The following MRPS28 variants were observed in gnomAD, a reference collection of about 807,000 sequenced individuals.
The protein encoded by MRPS28 is mitochondrial ribosomal protein S28, also known as small ribosomal subunit protein bS1m.
In MRPS28, 7 loss-of-function variants were observed where a neutral mutation model predicts 10.8. The ratio of observed to expected loss-of-function variants is 0.65; its 90% CI spans 0.37 to 1.22. The LOEUF (loss-of-function observed/expected upper bound fraction) is 1.22, where lower values mean the gene tolerates loss of function less well. Ranked by LOEUF, MRPS28 falls within the 50% of genes most tolerant of loss-of-function variation. MRPS28 has a pLI of 0.02. For missense variants in MRPS28, 265 were observed against 232.9 expected, an observed-to-expected ratio of 1.14 and a Z score of -0.90; for synonymous variants, 121 against 93.3, an observed-to-expected ratio of 1.30 and a Z score of -1.71.
chr8:79,953,463 A>G (rs1807128728), intron 2 of MRPS28, among the ~76,000 whole-genome samples: 1 of 152,210 alleles, frequency 6.6e-6, no homozygotes, highest in Non-Finnish European at 1.5e-5. Context: ...AAAACAGTAC[A>G]AGAAGGACAG....
At position 79,918,896 on chromosome 8, in the gene MRPS28, A is replaced by G. The variant is rs1809995992; in HGVS notation, c.*84T>C. The G allele has an allele frequency of 9.0e-7, 1 of 1,116,004 alleles. No homozygotes were observed. The highest frequency in any genetic ancestry group is 1.2e-6 in the Non-Finnish European group (1 of 822,992). The allele number at this position is 1,116,004 out of a possible 1,614,324, so 69.1% of individuals were successfully genotyped here. On this transcript the variant is annotated 3_prime_UTR_variant, in exon 3 of 3. Coordinates refer to ENST00000276585, the MANE Select transcript of MRPS28 (RefSeq NM_014018.3). ...CTTTTATTTATTATATCTTCATTCA[A>G]TCATTTATTCACAATTAGTCTAATT...
chr8:79,956,508 G>A (rs1807213914), intron 2 of MRPS28: 1 of 151,992 alleles, frequency 6.6e-6, no homozygotes, highest in Non-Finnish European at 1.5e-5. Context: ...AGGTTCAGGG[G>A]TACACATGAA....
At chr8:80,002,836 CCAA>C (rs1217255721) in intron 2 of MRPS28, among the ~76,000 whole-genome samples, 160 bp downstream of exon 2, 2 of 152,184 alleles carry the variant, frequency 1.3e-5, no homozygotes, top group African/African-American at 4.8e-5. Context: ...CCTGACATGA[CCAA>C]CAAGTATTTT....
chr8:79,974,670 G>C (rs1436211897), intron 2 of MRPS28, among the ~76,000 whole-genome samples: 1 of 151,720 alleles, frequency 6.6e-6, no homozygotes, highest in Non-Finnish European at 1.5e-5. Flanking sequence ...TTTAAAAAAA[G>C]CTGAAAATGG....
At chr8:79,926,371 A>G (rs1810236219) in intron 2 of MRPS28, among the ~76,000 whole-genome samples, 1 of 152,222 alleles carries the variant, frequency 6.6e-6, no homozygotes, top group Non-Finnish European at 1.5e-5. Context: ...AGTACAAGAA[A>G]TCTACCTTTT....
intron 2 of MRPS28, among the ~76,000 whole-genome samples, chr8:80,002,020 T>C (rs1296999278): frequency 6.6e-6 from 1 of 152,120 alleles, no homozygotes; most frequent in Non-Finnish European, 1.5e-5. Context: ...GAAATGTGTA[T>C]TCTGTTAAGT....
chr8:79,921,025 A>G (rs1810078006), intron 2 of MRPS28, among the ~76,000 whole-genome samples: 1 of 152,236 alleles, frequency 6.6e-6, no homozygotes. Context: ...CAGTTTTCCC[A>G]GCACCATTTA....
rs114667017 is a variant in MRPS28, at chr8:79,993,376, G to A, written c.395+9623C>T. ...TCTGGAATGATAGAGCTATACATAT[G>A]TGAATATGCTACATAAAGCAAATCC... On this transcript the variant is annotated intron_variant, in intron 2 of 2. Coordinates refer to ENST00000276585, the MANE Select transcript of MRPS28 (RefSeq NM_014018.3). Among the ~76,000 whole-genome samples, 1,009 of 152,274 alleles carry A rather than the reference G, an allele frequency of 6.6e-3. 14 individuals carry two copies. The highest frequency in any genetic ancestry group is 0.023 in the African/African-American group (964 of 41,548).
intron 2 of MRPS28, among the ~76,000 whole-genome samples, chr8:79,984,687 C>T (rs934017453): frequency 6.6e-6 from 1 of 152,112 alleles, no homozygotes; most frequent in Non-Finnish European, 1.5e-5. Context: ...AAGGCCATTA[C>T]ATAATGGTAA....
chr8:79,932,578 T>C (rs1806490971), intron 2 of MRPS28, among the ~76,000 whole-genome samples: 1 of 152,160 alleles, frequency 6.6e-6, no homozygotes. Context: ...GGGGTTTCTT[T>C]TAGGTGCTCT....
intron 2 of MRPS28, among the ~76,000 whole-genome samples, chr8:79,996,946 C>T (rs10107720): frequency 0.043 from 6,532 of 152,238 alleles, 383 homozygotes; most frequent in African/African-American, 0.13. Flanking sequence ...TGCATGACTG[C>T]AGCACATTAT....
chr8:79,936,282 T>C (rs992125534), intron 2 of MRPS28, among the ~76,000 whole-genome samples: 1 of 152,024 alleles, frequency 6.6e-6, no homozygotes, highest in Non-Finnish European at 1.5e-5. Context: ...TGAGCTATGA[T>C]TGTGCCACTG....
intron 2 of MRPS28, among the ~76,000 whole-genome samples, chr8:79,985,398 T>C (rs1331024311): frequency 6.6e-6 from 1 of 152,040 alleles, no homozygotes; most frequent in Admixed American, 6.6e-5. Flanking sequence ...ATTCAAAAGC[T>C]AGCAGAAGGC....
chr8:80,003,222 T>C (rs761232190), intron 1 of MRPS28, 42 bp from the exon 2 acceptor site: 2 of 1,343,560 alleles, frequency 1.5e-6, no homozygotes. Flanking sequence ...TAACTCAACA[T>C]GAAGGTATAA....
At chr8:80,009,073 C>T (rs1292742815) in intron 1 of MRPS28, among the ~76,000 whole-genome samples, 4 of 152,186 alleles carry the variant, frequency 2.6e-5, no homozygotes, top group Non-Finnish European at 4.4e-5. Flanking sequence ...GGCACATATA[C>T]ACCATGGAAT....
chr8:79,988,037 G>A (rs1177812698), intron 2 of MRPS28, among the ~76,000 whole-genome samples: 3 of 152,072 alleles, frequency 2.0e-5, no homozygotes, highest in African/African-American at 2.4e-5. Flanking sequence ...GTCCAACAAT[G>A]ATAGACTGAA....
At chr8:80,010,100 C>T (rs1431142177) in intron 1 of MRPS28, among the ~76,000 whole-genome samples, 8 of 152,144 alleles carry the variant, frequency 5.3e-5, no homozygotes, top group Admixed American at 5.2e-4. Flanking sequence ...ATTGAATTCA[C>T]TTGAGGTATG....
intron 2 of MRPS28, among the ~76,000 whole-genome samples, chr8:79,934,780 C>CT (rs1806560081): frequency 6.6e-6 from 1 of 152,114 alleles, no homozygotes; most frequent in Admixed American, 6.5e-5. Context: ...TGTAACAAAA[C>CT]TTTATCTTAA....
chr8:79,949,863 G>A (rs555300853), intron 2 of MRPS28, among the ~76,000 whole-genome samples: 14 of 152,164 alleles, frequency 9.2e-5, no homozygotes, highest in South Asian at 4.2e-4. Context: ...TCTGTATTTC[G>A]TCTTCTATAT....
Sources: allele counts gnomAD v4.1 joint callset (sites outside exome capture counted in the v4.1 genomes callset), GRCh38; gene constraint gnomAD v4.1.1; transcripts MANE v1.5; gene names NCBI Gene and HGNC (gene_info 2026-07-23, HGNC 2026-07-21).